The following DPH6 variants were observed in gnomAD, a reference collection of about 807,000 sequenced individuals.
DPH6 encodes the protein diphthine--ammonia ligase.
DPH6 carries 33 observed loss-of-function variants against 38.2 expected under a neutral mutation model. The observed-to-expected ratio is 0.86, with a 90% CI of 0.65 to 1.15. The LOEUF is 1.15. Among genes scored for constraint, DPH6 ranks in the 50% most tolerant of loss-of-function variants. DPH6 has a pLI of 0.00. For missense variants in DPH6, 325 were observed against 320.0 expected, an observed-to-expected ratio of 1.02 and a Z score of -0.12; for synonymous variants, 108 against 103.0, an observed-to-expected ratio of 1.05 and a Z score of -0.30.
At chr15:35,233,024 G>A (rs1369505300) in intron 3 of DPH6, among the ~76,000 whole-genome samples, 1 of 151,992 alleles carries the variant, frequency 6.6e-6, no homozygotes, top group Non-Finnish European at 1.5e-5. Flanking sequence ...AAAGAATGAA[G>A]GGACTGGCCG....
At chr15:35,261,108 G>A (rs1273363337) in intron 3 of DPH6, among the ~76,000 whole-genome samples, 4 of 152,108 alleles carry the variant, frequency 2.6e-5, no homozygotes, top group Non-Finnish European at 4.4e-5. Flanking sequence ...AGTCCTTCTT[G>A]CCCCATTTCT....
intron 3 of DPH6, chr15:35,521,381 A>C: frequency 1.9e-6 from 2 of 1,054,284 alleles, no homozygotes; most frequent in Non-Finnish European, 2.3e-6. Flanking sequence ...TAAATAGACT[A>C]TATCATCTAA....
At chr15:35,215,397 C>CT (rs200658607), downstream of DPH6, among the ~76,000 whole-genome samples, 3,392 of 151,840 alleles carry the variant, frequency 0.022, 63 homozygotes, top group Middle Eastern at 0.048. Context: ...GGTGGAAAAT[C>CT]TTTTTTTTAG....
At chr15:35,394,269 A>G (rs1343894300) in intron 6 of DPH6, among the ~76,000 whole-genome samples, 1 of 152,220 alleles carries the variant, frequency 6.6e-6, no homozygotes, top group Non-Finnish European at 1.5e-5. Context: ...CTTAAGGTTA[A>G]GATAATTATA....
chr15:35,359,275 A>G (rs8031398), intron 3 of DPH6, among the ~76,000 whole-genome samples: 41,428 of 151,876 alleles, frequency 0.27, 5,905 homozygotes, highest in South Asian at 0.38. Context: ...AGAGAGCAAT[A>G]CAGGCTTGAA....
chr15:35,196,980 T>C, the DPH6 span, among the ~76,000 whole-genome samples: 2 of 152,204 alleles, frequency 1.3e-5, no homozygotes, highest in Admixed American at 6.5e-5. Flanking sequence ...AATGAACTTA[T>C]AGCTTAGTTA....
At chr15:35,435,541 G>T (rs1310642788) in intron 5 of DPH6, among the ~76,000 whole-genome samples, 1 of 152,136 alleles carries the variant, frequency 6.6e-6, no homozygotes, top group African/African-American at 2.4e-5. Context: ...GAGGAGTCAG[G>T]CCTCTTCAGC....
chr15:35,219,245 T>G (rs2051428031), exon 4 of DPH6: 1 of 152,188 alleles, frequency 6.6e-6, no homozygotes, highest in African/African-American at 2.4e-5. Context: ...ACTTTCTGTT[T>G]ACAATGCATA....
intron 6 of DPH6, among the ~76,000 whole-genome samples, chr15:35,404,700 T>C (rs534065911): frequency 1.6e-4 from 24 of 152,282 alleles, no homozygotes; most frequent in Admixed American, 1.5e-3. Context: ...GTTGATTGTT[T>C]CCTTCGCTGT....
At chr15:35,153,469 A>G in the DPH6 span, among the ~76,000 whole-genome samples, 3 of 152,136 alleles carry the variant, frequency 2.0e-5, no homozygotes, top group African/African-American at 7.2e-5. Flanking sequence ...TGGTATTTGT[A>G]TTTAAGTATT....
chr15:35,543,417 CAG>C (rs1277603621), intron 1 of DPH6, among the ~76,000 whole-genome samples: 1 of 151,686 alleles, frequency 6.6e-6, no homozygotes, highest in African/African-American at 2.4e-5. Flanking sequence ...TAAAGACAAG[CAG>C]TAGCTCATCT....
chr15:35,362,701 C>T (rs2052623544), intron 3 of DPH6, among the ~76,000 whole-genome samples: 1 of 152,172 alleles, frequency 6.6e-6, no homozygotes, highest in Admixed American at 6.5e-5. Context: ...TTCTTTTCTC[C>T]TCCCAAGGGA....
intron 3 of DPH6, among the ~76,000 whole-genome samples, chr15:35,287,822 A>G (rs987841203): frequency 6.6e-6 from 1 of 152,196 alleles, no homozygotes; most frequent in East Asian, 1.9e-4. Flanking sequence ...AAATGTATAA[A>G]GACAAATAAA....
intron 5 of DPH6, among the ~76,000 whole-genome samples, chr15:35,446,214 CTT>C (rs34603629): frequency 2.0e-3 from 103 of 51,538 alleles, no homozygotes; most frequent in African/African-American, 3.7e-3. Flanking sequence ...TGTATTTTCC[CTT>C]TTTTTTTTTT....
At chr15:35,212,608 T>C (rs184623827), downstream of DPH6, among the ~76,000 whole-genome samples, 25 of 152,360 alleles carry the variant, frequency 1.6e-4, no homozygotes, top group Admixed American at 5.9e-4. Context: ...ATAGGAAATA[T>C]ACTTTTCATT....
intron 5 of DPH6, among the ~76,000 whole-genome samples, chr15:35,436,236 G>A (rs2053699561): frequency 6.6e-6 from 1 of 151,870 alleles, no homozygotes; most frequent in African/African-American, 2.4e-5. Context: ...GGAGGCCAAG[G>A]CAGGCGGATC....
At chr15:35,169,538 C>T in the DPH6 span, 1 of 152,104 alleles carries the variant, frequency 6.6e-6, no homozygotes, top group Admixed American at 6.6e-5. Context: ...CTCTATTTTT[C>T]ATACACCTAT....
intron 3 of DPH6, among the ~76,000 whole-genome samples, chr15:35,365,049 T>C (rs1954600255): frequency 6.6e-6 from 1 of 152,120 alleles, no homozygotes; most frequent in Non-Finnish European, 1.5e-5. Context: ...ATCTACAAGA[T>C]ATTGGAAAGA....
intron 5 of DPH6, among the ~76,000 whole-genome samples, chr15:35,441,358 C>T (rs2053785161): frequency 1.3e-5 from 2 of 152,128 alleles, no homozygotes; most frequent in Non-Finnish European, 2.9e-5. Context: ...GACACATGCA[C>T]ATGTATGTTT....
Sources: allele counts gnomAD v4.1 joint callset (sites outside exome capture counted in the v4.1 genomes callset), GRCh38; gene constraint gnomAD v4.1.1; transcripts MANE v1.5; gene names NCBI Gene and HGNC (gene_info 2026-07-23, HGNC 2026-07-21).